The following RAI14 variants were observed in gnomAD, a reference collection of about 807,000 sequenced individuals.
RAI14 encodes ankycorbin.
RAI14 carries 45 observed loss-of-function variants against 115.4 expected under a neutral mutation model. The ratio of observed to expected loss-of-function variants is 0.39; its 90% CI spans 0.31 to 0.50. The LOEUF is 0.50. RAI14 is among the 20% of genes least tolerant of loss of function. The pLI is 0.85. For missense variants in RAI14, 939 were observed against 1,131.2 expected, an observed-to-expected ratio of 0.83 and a Z score of 2.44; for synonymous variants, 371 against 415.4, an observed-to-expected ratio of 0.89 and a Z score of 1.30.
intron 3 of RAI14, among the ~76,000 whole-genome samples, chr5:34,783,270 G>A (rs1299351701): frequency 6.6e-6 from 1 of 152,158 alleles, no homozygotes; most frequent in African/African-American, 2.4e-5. Flanking sequence ...CTGTCCTCAA[G>A]TAGGTGGCTG....
chr5:34,768,021 G>A (rs1749646189), intron 3 of RAI14, among the ~76,000 whole-genome samples: 1 of 151,940 alleles, frequency 6.6e-6, no homozygotes, highest in South Asian at 2.1e-4. Flanking sequence ...CCCCAGAATG[G>A]TAGATTCACC....
intron 10 of RAI14, 138 bp from the exon 11 acceptor site, chr5:34,813,435 GT>G: frequency 1.8e-6 from 1 of 552,948 alleles, no homozygotes; most frequent in South Asian, 2.9e-5. Context: ...TTTTATGTTG[GT>G]AGCAGATTTC....
At chr5:34,802,820 G>C (rs946036660) in intron 4 of RAI14, among the ~76,000 whole-genome samples, 1 of 152,164 alleles carries the variant, frequency 6.6e-6, no homozygotes, top group African/African-American at 2.4e-5. Flanking sequence ...AATTTGAAAC[G>C]AGAAAGTCAG....
intron 2 of RAI14, among the ~76,000 whole-genome samples, chr5:34,742,974 T>C (rs1230875734): frequency 6.6e-6 from 1 of 152,174 alleles, no homozygotes; most frequent in East Asian, 1.9e-4. Context: ...CTGTTTTTAG[T>C]GTCTATACCC....
intron 2 of RAI14, among the ~76,000 whole-genome samples, chr5:34,723,505 A>T (rs149318915): frequency 1.3e-5 from 2 of 152,188 alleles, no homozygotes; most frequent in South Asian, 2.1e-4. Context: ...CTCAAAGTTT[A>T]CCGATTTAAG....
At chr5:34,716,129 G>A (rs998918408) in intron 2 of RAI14, 3 of 427,462 alleles carry the variant, frequency 7.0e-6, no homozygotes, top group African/African-American at 6.2e-5. Context: ...TGTGGCAAAA[G>A]ACAAGGCAAA....
intron 3 of RAI14, among the ~76,000 whole-genome samples, chr5:34,770,454 T>C (rs537085919): frequency 8.4e-4 from 128 of 152,376 alleles, no homozygotes; most frequent in African/African-American, 2.9e-3. Context: ...GCCTTCATGG[T>C]ACACACAGTC....
intron 13 of RAI14, among the ~76,000 whole-genome samples, chr5:34,820,516 G>A (rs945363389): frequency 1.3e-5 from 2 of 152,206 alleles, no homozygotes; most frequent in East Asian, 1.9e-4. Context: ...GGAAGCTGAC[G>A]CAGGAGAATT....
At position 34,823,136 on chromosome 5, in the gene RAI14, C is replaced by T; in HGVS notation, c.1294C>T (p.Gln432Ter). 6.2e-7 allele frequency: 1 copy of T among 1,612,726 alleles called. No individual in the cohort carries two copies. The highest frequency in any genetic ancestry group is 8.5e-7 in the Non-Finnish European group (1 of 1,178,772). Residue 432 changes from glutamine to a stop codon, truncating the protein, a stop_gained, in exon 15 of 18, where the codon CAG becomes TAG. Coordinates refer to ENST00000265109, the MANE Select transcript of RAI14 (RefSeq NM_015577.3). LOFTEE classifies it high-confidence loss of function. The surrounding 1 kb of genome is among the most constrained non-coding windows in gnomAD (Gnocchi z 4.5). ...CACTACTGACAATGATGTCAGAATT[C>T]AGCAACTGCAAGAGATTTTGCAAGA... Reference protein sequence around the residue: ...KSTTDNDVRIQQLQEILQDLQ... With the variant: ...KSTTDNDVRI
intron 2 of RAI14, among the ~76,000 whole-genome samples, chr5:34,694,802 A>T (rs1442067647): frequency 6.6e-6 from 1 of 152,208 alleles, no homozygotes; most frequent in East Asian, 1.9e-4. Context: ...CCCAATGCTG[A>T]GAATGTTTCT....
At chr5:34,688,333 C>G in intron 2 of RAI14, 1 of 1,322,342 alleles carries the variant, frequency 7.6e-7, no homozygotes, top group East Asian at 2.5e-5. Flanking sequence ...TTTTTCTATT[C>G]CAAGGGAATC....
At chr5:34,738,283 AC>A (rs1745105526) in intron 2 of RAI14, among the ~76,000 whole-genome samples, 1 of 151,936 alleles carries the variant, frequency 6.6e-6, no homozygotes, top group South Asian at 2.1e-4. Flanking sequence ...CAAAAACAAA[AC>A]CCCAAATATT....
At chr5:34,740,977 A>G (rs1000148407) in intron 2 of RAI14, among the ~76,000 whole-genome samples, 6 of 152,214 alleles carry the variant, frequency 3.9e-5, no homozygotes, top group Admixed American at 3.9e-4. Flanking sequence ...ACCTCTGATA[A>G]CATTAGACAT....
At position 34,752,725 on chromosome 5, in the gene RAI14, G is replaced by C. The variant is rs868211423; in HGVS notation, c.37-4743G>C. 1.5e-3 allele frequency among the ~76,000 whole-genome samples: 118 copies of C among 80,350 alleles called. 4 individuals are homozygous for C. The highest frequency in any genetic ancestry group is 7.7e-3 in the African/African-American group (113 of 14,742). 52.7% of individuals were successfully genotyped at this position (80,350 alleles called of 152,430 possible). A position where few individuals can be genotyped will look rare whatever the true frequency, so the allele number is the denominator to read the frequency against. On this transcript the variant is annotated intron_variant, in intron 2 of 17. Transcript: ENST00000265109. The stretch of plus-strand genomic sequence containing the variant: ...TATATGTGTGTGTGTGTGTGTGTGT[G>C]TGTGTGTGTGTGTGTGTGTGTGTGT...
intron 3 of RAI14, among the ~76,000 whole-genome samples, chr5:34,788,698 G>A (rs972162212): frequency 3.3e-5 from 5 of 152,178 alleles, no homozygotes; most frequent in African/African-American, 9.6e-5. Flanking sequence ...GGCTGGGCAT[G>A]GTGGCTCACG....
intron 2 of RAI14, among the ~76,000 whole-genome samples, chr5:34,715,903 C>T (rs1200084752): frequency 6.6e-6 from 1 of 152,014 alleles, no homozygotes; most frequent in African/African-American, 2.4e-5. Flanking sequence ...TCAGTCTTCC[C>T]AAAATTCTTA....
chr5:34,700,658 ATG>A lies in RAI14; in HGVS notation c.36+13707_36+13708del, dbSNP rs556080864. Among the ~76,000 whole-genome samples, 21 of 152,268 alleles carry A rather than the reference ATG, an allele frequency of 1.4e-4. No individual in the cohort carries two copies. The South Asian group carries it at 4.4e-3, about 32-fold the overall frequency. ...ATAAAAGGTCAGTAGGGTTTTCTGG[ATG>A]TGTTTCCTTTAGGATGCTCTGCATG... On this transcript the variant is annotated intron_variant, in intron 2 of 17. Transcript: ENST00000265109.
intron 2 of RAI14, among the ~76,000 whole-genome samples, chr5:34,688,657 G>T (rs1022419287): frequency 6.6e-5 from 10 of 152,164 alleles, no homozygotes; most frequent in Non-Finnish European, 1.5e-4. Flanking sequence ...GGGGAGGAGA[G>T]CCTGGGGAGG....
intron 2 of RAI14, among the ~76,000 whole-genome samples, chr5:34,749,646 T>C (rs913791132): frequency 2.0e-5 from 3 of 152,226 alleles, no homozygotes; most frequent in Admixed American, 6.5e-5. Flanking sequence ...AATGATTTGA[T>C]GAATAGGAAA....
Sources: gnomAD v4.1 joint callset for allele counts (sites outside exome capture counted in the v4.1 genomes callset) on GRCh38, gnomAD v4.1.1 for gene constraint, Gnocchi (gnomAD v3.1) non-coding constraint, MANE v1.5 for transcripts, NCBI Gene and HGNC (gene_info 2026-07-23, HGNC 2026-07-21) for gene names.